The following TMPRSS13 variants were observed in gnomAD, a reference collection of about 807,000 sequenced individuals.
TMPRSS13 encodes the protein transmembrane protease serine 13.
TMPRSS13 carries 50 observed loss-of-function variants against 68.4 expected under a neutral mutation model. The observed-to-expected ratio is 0.73, with a 90% confidence interval of 0.58 to 0.93. The LOEUF is 0.93. TMPRSS13 is among the 40% of genes least tolerant of loss of function. The pLI is 0.00. For synonymous variants in TMPRSS13, 267 were observed against 285.8 expected (o/e 0.93, Z 0.66); for missense variants, 615 against 729.2 (o/e 0.84, Z 1.80).
intron 10 of TMPRSS13, among the ~76,000 whole-genome samples, chr11:117,904,861 T>TATATATATATA (rs2057447355): frequency 9.9e-6 from 1 of 100,672 alleles, no homozygotes; most frequent in Admixed American, 1.0e-4. Flanking sequence ...CTAGATAAGA[T>TATATATATATA]TATATATATA....
rs1352720963 is a variant in TMPRSS13 at position 117,913,924 on chromosome 11, G to A, written c.680-18C>T. The A allele has an allele frequency of 8.1e-6, 13 of 1,611,976 alleles. No individual in the cohort carries two copies. The highest frequency in any genetic ancestry group is 1.1e-5 in the Non-Finnish European group (13 of 1,179,056). ...AAACCTCACTGCAGGGCAAGAAAAAGGCAGAGCAGGTCCTCAGCACCTAGG... is the reference window on the plus strand; with the variant it reads ...AAACCTCACTGCAGGGCAAGAAAAAAGCAGAGCAGGTCCTCAGCACCTAGG... On this transcript the variant is annotated intron_variant, in intron 4 of 12. Transcript: ENST00000524993.
chr11:117,911,640 C>T, intron 6 of TMPRSS13, 128 bp downstream of exon 6: 1 of 674,852 alleles, frequency 1.5e-6, no homozygotes, highest in Non-Finnish European at 2.5e-6. Context: ...TGCCCCTGAA[C>T]ACTCATGGTG....
Position 117,914,745 on chromosome 11 carries a change from CAGAA to C in TMPRSS13, c.557-235_557-232del, listed in dbSNP as rs2057558726. On this transcript the variant is annotated intron_variant, in intron 3 of 12. Coordinates refer to ENST00000524993, the MANE Select transcript of TMPRSS13 (RefSeq NM_001077263.3). The surrounding 1 kb of genome is among the most constrained non-coding windows in gnomAD (Gnocchi z 4.2). The stretch of plus-strand genomic sequence containing the variant: ...AGGCAGATTCAAGCAGCCAGCCACC[CAGAA>C]AGAGAGAGAAAGAGAGAGAGAGACA... Among the ~76,000 whole-genome samples, 1 of 152,098 alleles carries C rather than the reference CAGAA, an allele frequency of 6.6e-6. No homozygotes were observed. The highest frequency in any genetic ancestry group is 2.4e-5 in the African/African-American group (1 of 41,416).
At position 117,914,217 on chromosome 11, in the gene TMPRSS13, GCA is replaced by G. The variant is rs947130056; in HGVS notation, c.679+173_679+174del. 6.6e-6 allele frequency among the ~76,000 whole-genome samples: 1 copy of G among 151,982 alleles called. No individual in the cohort carries two copies. The highest frequency in any genetic ancestry group is 1.5e-5 in the Non-Finnish European group (1 of 67,980). ...GTCTGGATTACATACATGCACACAT[GCA>G]CACACACATACGTGCACACACACAT... is the stretch of plus-strand genomic sequence containing the variant. On this transcript the variant is annotated intron_variant, in intron 4 of 12. Transcript: ENST00000524993. This position sits in a 1 kb window ranked among gnomAD's most constrained non-coding sequence, Gnocchi z 4.2.
chr11:117,924,955 C>T (rs565438484), intron 1 of TMPRSS13, among the ~76,000 whole-genome samples: 25 of 152,146 alleles, frequency 1.6e-4, no homozygotes, highest in Non-Finnish European at 3.1e-4. Flanking sequence ...GGGTCTGCCT[C>T]GCCCTGGGGG....
intron 7 of TMPRSS13, among the ~76,000 whole-genome samples, chr11:117,910,414 T>C (rs186443779): frequency 2.6e-5 from 4 of 152,256 alleles, no homozygotes; most frequent in African/African-American, 9.6e-5. Flanking sequence ...AGGGTCTCTA[T>C]TGTTTCTAAA....
At chr11:117,903,370 C>T in intron 12 of TMPRSS13, 1 of 1,529,122 alleles carries the variant, frequency 6.5e-7, no homozygotes, top group South Asian at 1.2e-5. Context: ...CAACCTTACA[C>T]AAAAAAATAC....
At chr11:117,920,875 A>G (rs1367761464) in intron 1 of TMPRSS13, among the ~76,000 whole-genome samples, 1 of 152,182 alleles carries the variant, frequency 6.6e-6, no homozygotes, top group African/African-American at 2.4e-5. Flanking sequence ...TCCATTCCCA[A>G]CTGCGTTTCC....
chr11:117,921,124 A>G (rs2057642156), intron 1 of TMPRSS13, among the ~76,000 whole-genome samples: 1 of 152,210 alleles, frequency 6.6e-6, no homozygotes, highest in Admixed American at 6.5e-5. Flanking sequence ...ACAGAGGTCC[A>G]GGCAGGTTAA....
intron 3 of TMPRSS13, 44 bp downstream of exon 3, chr11:117,917,126 C>T (rs771654878): frequency 6.5e-7 from 1 of 1,534,366 alleles, no homozygotes; most frequent in South Asian, 1.1e-5. Flanking sequence ...CCACTCTGCC[C>T]AGCAGTGCCC....
intron 1 of TMPRSS13, among the ~76,000 whole-genome samples, chr11:117,919,380 G>A (rs1266323044): frequency 6.6e-6 from 1 of 152,232 alleles, no homozygotes; most frequent in African/African-American, 2.4e-5. Flanking sequence ...CAACTGAAGG[G>A]GCTGAGTGCC....
intron 1 of TMPRSS13, among the ~76,000 whole-genome samples, chr11:117,923,363 GCCAGCC>G (rs141606025): frequency 0.016 from 2,470 of 152,258 alleles, 69 homozygotes; most frequent in African/African-American, 0.056. Flanking sequence ...TAGTAAGTTA[GCCAGCC>G]CCTGAGTATG....
intron 7 of TMPRSS13, 137 bp downstream of exon 7, chr11:117,910,570 C>G: frequency 1.2e-6 from 1 of 816,344 alleles, no homozygotes; most frequent in Non-Finnish European, 1.9e-6. Flanking sequence ...GACTCCAGCC[C>G]TGAAGCAGGC....
At chr11:117,924,690 C>T (rs1479503111) in intron 1 of TMPRSS13, among the ~76,000 whole-genome samples, 1 of 152,138 alleles carries the variant, frequency 6.6e-6, no homozygotes, top group Non-Finnish European at 1.5e-5. Context: ...CCCGGCTGGA[C>T]TGGGTGACTT....
chr11:117,902,916 G>A (rs1190730883), intron 12 of TMPRSS13: 4 of 977,978 alleles, frequency 4.1e-6, no homozygotes, highest in Non-Finnish European at 4.9e-6. Flanking sequence ...ACTCTCTAGG[G>A]TGGATCAAGT....
chr11:117,913,944 C>G (rs755382625), intron 4 of TMPRSS13, 38 bp from the exon 5 acceptor site: 3 of 1,603,954 alleles, frequency 1.9e-6, no homozygotes, highest in Non-Finnish European at 2.6e-6. Flanking sequence ...GTCCTCAGCA[C>G]CTAGGAAGCA....
At chr11:117,929,191 T>C (rs566558482) in intron 1 of TMPRSS13, 96 bp downstream of exon 1, 2 of 1,076,142 alleles carry the variant, frequency 1.9e-6, no homozygotes, top group African/African-American at 3.3e-5. Flanking sequence ...CCCCCAAACC[T>C]GAAACACAGA....
intron 1 of TMPRSS13, among the ~76,000 whole-genome samples, chr11:117,923,836 A>AT (rs797008686): frequency 6.4e-5 from 5 of 77,664 alleles, no homozygotes; most frequent in South Asian, 7.4e-4. Flanking sequence ...AAGTATAATA[A>AT]TTAAAAAAAA....
In TMPRSS13 at chr11:117,929,370, C is replaced by A; in HGVS notation, c.-63G>T. On this transcript the variant is annotated 5_prime_UTR_variant, in exon 1 of 13. Transcript: ENST00000524993. Reference sequence around the variant, plus strand: ...GTCGAGGAGAAGATCCATCTTGGTCCCTGGCTTCTCAGGCATGTAGGGTAA... The same window carrying A: ...GTCGAGGAGAAGATCCATCTTGGTCACTGGCTTCTCAGGCATGTAGGGTAA... The A allele has an allele frequency of 6.6e-7, 1 of 1,514,630 alleles. No individual in the cohort carries two copies. The allele number at this position is 1,514,630 out of a possible 1,614,324, so 93.8% of individuals were successfully genotyped here.
Sources: gnomAD v4.1 joint callset for allele counts (sites outside exome capture counted in the v4.1 genomes callset) on GRCh38, gnomAD v4.1.1 for gene constraint, Gnocchi (gnomAD v3.1) non-coding constraint, MANE v1.5 for transcripts, NCBI Gene and HGNC (gene_info 2026-07-23, HGNC 2026-07-21) for gene names.